The following IGFN1 variants were observed in gnomAD, a reference collection of about 807,000 sequenced individuals.
IGFN1 encodes the protein immunoglobulin-like and fibronectin type III domain-containing protein 1.
A neutral mutation model predicts 289.5 loss-of-function variants in IGFN1; 253 were observed. That is an observed-to-expected ratio of 0.87 (90% CI 0.79 to 0.97). IGFN1 has a LOEUF of 0.97. Among genes scored for constraint, IGFN1 ranks in the 50% least tolerant of loss-of-function variants. IGFN1 has a pLI of 0.00. For missense variants in IGFN1, 4,470 were observed against 4,686.1 expected, an observed-to-expected ratio of 0.95 and a Z score of 1.35; for synonymous variants, 1,706 against 1,788.5, an observed-to-expected ratio of 0.95 and a Z score of 1.16.
At position 201,199,387 on chromosome 1, in the gene IGFN1, A is replaced by G. The variant is rs942014188; in HGVS notation, c.412+9A>G. 4 of 1,551,668 alleles carry G rather than the reference A, an allele frequency of 2.6e-6. No homozygotes were observed. Among genetic ancestry groups the G allele is most frequent in the Middle Eastern group, 1.7e-4 (1 of 6,010 alleles). On this transcript the variant is annotated intron_variant, in intron 6 of 23. Transcript: ENST00000335211. ...CAGGGAACCGCAGGAAGGTAGGCAG[A>G]TTTGTCAGAAACCTCCTTGGGGGCC...
At position 201,215,049 on chromosome 1, in the gene IGFN1, G is replaced by A. The variant is rs769375447; in HGVS notation, c.8890G>A (p.Gly2964Ser). The A allele has an allele frequency of 1.5e-5, 24 of 1,613,944 alleles. No homozygotes were observed. Among genetic ancestry groups the A allele is most frequent in the Non-Finnish European group, 2.0e-5 (24 of 1,180,020 alleles). ...TQDGVIFKQD[G>S]LVHSLFITHV... ...GGATGGAGTCATCTTTAAGCAAGAC[G>A]GTCTCGTGCACAGCCTCTTCATCAC... The change falls in exon 14 of 24, where the codon GGT (glycine) becomes AGT (serine). Residue 2964 changes from glycine to serine, a missense_variant. Gly to Ser is a moderately conservative substitution (Grantham distance 56). Coordinates refer to ENST00000335211, the MANE Select transcript of IGFN1 (RefSeq NM_001164586.2).
rs1455871801 is a variant in IGFN1 at position 201,208,623 on chromosome 1, A to T, written c.3730A>T (p.Thr1244Ser). Residue 1244 changes from threonine (T) to serine (S), a missense_variant, in exon 12 of 24, where the codon ACA becomes TCA. Thr to Ser is a moderately conservative substitution (Grantham distance 58). Coordinates refer to ENST00000335211, the MANE Select transcript of IGFN1 (RefSeq NM_001164586.2). Reference protein sequence around the residue: ...ERSRGLGPRSTGPGGEAGFRD... With the variant: ...ERSRGLGPRSSGPGGEAGFRD... ...GTCAAGGGGCCTTGGGCCTAGGAGT[A>T]CAGGGCCAGGGGGTGAGGCAGGCTT... 5.2e-6 allele frequency: 8 copies of T among 1,525,036 alleles called. No homozygotes were observed. The highest frequency in any genetic ancestry group is 7.0e-6 in the Non-Finnish European group (8 of 1,142,024). 94.5% of individuals were successfully genotyped at this position (1,525,036 alleles called of 1,614,324 possible).
At position 201,206,329 on chromosome 1, in the gene IGFN1, C is replaced by T. The variant is rs1209320634; in HGVS notation, c.1436C>T (p.Ala479Val). Residue 479 changes from alanine (A) to valine (V), a missense_variant, in exon 12 of 24, where the codon GCT (alanine) becomes GTT (valine). Coordinates refer to ENST00000335211, the MANE Select transcript of IGFN1 (RefSeq NM_001164586.2). ...GYSLMGDKGT[A>V]DSAWGPGQEG... Reference sequence around the variant, plus strand: ...TCCTTGATGGGGGACAAAGGGACAGCTGACTCAGCCTGGGGCCCTGGACAG... The same window carrying T: ...TCCTTGATGGGGGACAAAGGGACAGTTGACTCAGCCTGGGGCCCTGGACAG... The T allele has an allele frequency of 1.9e-6, 3 of 1,550,260 alleles. No individual in the cohort carries two copies. Among genetic ancestry groups the T allele is most frequent in the Admixed American group, 2.0e-5 (1 of 50,984 alleles).
At chr1:201,196,116 G>A (rs543385076) in intron 4 of IGFN1, 138 bp downstream of exon 4, 31 of 821,720 alleles carry the variant, frequency 3.8e-5, no homozygotes, top group African/African-American at 2.6e-4. Flanking sequence ...ACTCCATCTC[G>A]TGACTCAAAG....
At chr1:201,218,503 G>A in intron 17 of IGFN1, 27 bp from the exon 18 acceptor site, 1 of 1,604,358 alleles carries the variant, frequency 6.2e-7, no homozygotes, top group Non-Finnish European at 8.5e-7. Flanking sequence ...CATCAGGGTG[G>A]GACTCACATG....
chr1:201,228,373 C>T lies in IGFN1; in HGVS notation c.11114-13C>T. 1 of 1,613,978 alleles carries T rather than the reference C, an allele frequency of 6.2e-7. No individual in the cohort carries two copies. Among genetic ancestry groups the T allele is most frequent in the Non-Finnish European group, 8.5e-7 (1 of 1,179,886 alleles). On this transcript the variant is annotated splice_polypyrimidine_tract_variant and intron_variant, in intron 23 of 23. Transcript: ENST00000335211. ...GCCCCTCTGAACCAACTGGAATATCCTGTGTCTTGCAGAACCCAGCACCTA... is the reference window on the plus strand; with the variant it reads ...GCCCCTCTGAACCAACTGGAATATCTTGTGTCTTGCAGAACCCAGCACCTA...
chr1:201,218,509 AC>A lies in IGFN1; in HGVS notation c.9770-20del. 1 of 1,607,064 alleles carries A rather than the reference AC, an allele frequency of 6.2e-7. No homozygotes were observed. The highest frequency in any genetic ancestry group is 2.2e-5 in the East Asian group (1 of 44,866). Reference sequence around the variant, plus strand: ...GTCCAGCACCATCAGGGTGGGACTCACATGGGCGGGCTGTTCACAGAGAGGA... The same window carrying A: ...GTCCAGCACCATCAGGGTGGGACTCAATGGGCGGGCTGTTCACAGAGAGGA... On this transcript the variant is annotated intron_variant, in intron 17 of 23. Transcript: ENST00000335211.
chr1:201,217,224 G>T, intron 16 of IGFN1, 63 bp from the exon 17 acceptor site: 1 of 1,488,436 alleles, frequency 6.7e-7, no homozygotes, highest in South Asian at 1.2e-5. Context: ...TACCCCCAGG[G>T]GCTCCCCATG....
In IGFN1 at chr1:201,209,343, G is replaced by C; in HGVS notation, c.4450G>C (p.Gly1484Arg). 4.7e-6 allele frequency: 7 copies of C among 1,486,776 alleles called. No individual in the cohort carries two copies. Among genetic ancestry groups the C allele is most frequent in the Non-Finnish European group, 6.2e-6 (7 of 1,126,744 alleles). 92.1% of individuals were successfully genotyped at this position (1,486,776 alleles called of 1,614,324 possible). A position where few individuals can be genotyped will look rare whatever the true frequency, so the allele number is the denominator to read the frequency against. The change falls in exon 12 of 24, where the codon GGT becomes CGT. Residue 1484 changes from glycine (G) to arginine (R), a missense_variant. Coordinates refer to ENST00000335211, the MANE Select transcript of IGFN1 (RefSeq NM_001164586.2). ...SKAGYRGGLR[G>R]SGEMGLIEAG... is the part of the protein sequence containing the mutation. Reference sequence around the variant, plus strand: ...GGCAGGTTACAGGGGTGGTTTAAGGGGTTCTGGGGAAATGGGGTTAATTGA... The same window carrying C: ...GGCAGGTTACAGGGGTGGTTTAAGGCGTTCTGGGGAAATGGGGTTAATTGA...
In IGFN1 at chr1:201,228,280, C is replaced by G. The variant is rs1316301915; in HGVS notation, c.11114-106C>G. The G allele has an allele frequency of 4.3e-6, 5 of 1,156,958 alleles. No homozygotes were observed. In the African/African-American group the frequency reaches 7.5e-5, roughly 17 times the overall value. 71.7% of individuals were successfully genotyped at this position (1,156,958 alleles called of 1,614,324 possible). A position where few individuals can be genotyped will look rare whatever the true frequency, so the allele number is the denominator to read the frequency against. ...GATTTGAACCCACACCCCCTGATGG[C>G]AGAGCCTGTAGTCTAAGCCCCATTC... is the stretch of plus-strand genomic sequence containing the variant. On this transcript the variant is annotated intron_variant, in intron 23 of 23. Coordinates refer to ENST00000335211, the MANE Select transcript of IGFN1 (RefSeq NM_001164586.2).
rs1667803287 is a variant in IGFN1 at position 201,211,606 on chromosome 1, G to T, written c.6713G>T (p.Ser2238Ile). 1 of 1,535,458 alleles carries T rather than the reference G, an allele frequency of 6.5e-7. No individual in the cohort carries two copies. The highest frequency in any genetic ancestry group is 1.4e-5 in the African/African-American group (1 of 72,798). The stretch of plus-strand genomic sequence containing the variant: ...GCAGGTTTCAGGGATGGTTTAGGGA[G>T]TTCTGGGGAAATGGGGTCAATGGAT... ...SKAGFRDGLG[S>I]SGEMGSMDEA... is the part of the protein sequence containing the mutation. Residue 2238 changes from serine (S) to isoleucine (I), a missense_variant, in exon 12 of 24, where the codon AGT (serine) becomes ATT (isoleucine). Around this residue, in one of 8 missense-constraint regions of IGFN1, gnomAD observed 2,218 missense variants for 2,114.1 expected, o/e 1.05. Coordinates refer to ENST00000335211, the MANE Select transcript of IGFN1 (RefSeq NM_001164586.2).
Position 201,212,065 on chromosome 1 carries a change from G to T in IGFN1, c.7172G>T (p.Gly2391Val). Reference protein sequence around the residue: ...RGHKAMGHRSGYWVASEGDTN... With the variant: ...RGHKAMGHRSVYWVASEGDTN... ...CATAAAGCCATGGGTCACAGGTCAG[G>T]ATATTGGGTAGCATCAGAGGGTGAC... Residue 2391 changes from glycine (G) to valine (V), a missense_variant, in exon 12 of 24, where the codon GGA (glycine) becomes GTA (valine). Transcript: ENST00000335211. The T allele has an allele frequency of 6.5e-7, 1 of 1,536,424 alleles. No individual in the cohort carries two copies. Among genetic ancestry groups the T allele is most frequent in the Non-Finnish European group, 8.7e-7 (1 of 1,146,776 alleles).
intron 8 of IGFN1, among the ~76,000 whole-genome samples, chr1:201,200,893 C>T (rs545425988): frequency 5.4e-5 from 8 of 149,288 alleles, no homozygotes; most frequent in African/African-American, 1.7e-4. Context: ...GTGCTGTGGC[C>T]GGATCTTGGC....
Position 201,210,594 on chromosome 1 carries a change from G to T in IGFN1, c.5701G>T (p.Gly1901Cys). Residue 1901 changes from glycine (G) to cysteine (C), a missense_variant, in exon 12 of 24, where the codon GGT becomes TGT. This residue lies in a region of IGFN1 where 33 missense variants were observed against 259.7 expected (regional missense o/e 0.13). Transcript: ENST00000335211. ...GGATTTGTGGGCTCCTGAGGGAATA[G>T]GTTCAGGAAGTAAGGCAGGTTTTAG... Reference protein sequence around the residue: ...RKDLWAPEGIGSGSKAGFRDG... With the variant: ...RKDLWAPEGICSGSKAGFRDG... The T allele has an allele frequency of 7.1e-7, 1 of 1,405,810 alleles. No homozygotes were observed. Among genetic ancestry groups the T allele is most frequent in the South Asian group, 1.3e-5 (1 of 77,546 alleles). 87.1% of individuals were successfully genotyped at this position (1,405,810 alleles called of 1,614,324 possible). A position where few individuals can be genotyped will look rare whatever the true frequency, so the allele number is the denominator to read the frequency against.
Position 201,206,458 on chromosome 1 carries a change from C to T in IGFN1, c.1565C>T (p.Pro522Leu). 1 of 1,551,144 alleles carries T rather than the reference C, an allele frequency of 6.4e-7. No homozygotes were observed. ...GGWARSLAER[P>L]HLQGESSESG... ...TGGGCCAGAAGCCTTGCAGAGAGGC[C>T]CCATCTACAGGGAGAGAGCTCAGAA... Residue 522 changes from proline (P) to leucine (L), a missense_variant, in exon 12 of 24, where the codon CCC becomes CTC. Pro to Leu is a moderately conservative substitution (Grantham distance 98). Transcript: ENST00000335211.
rs1211893996 is a variant in IGFN1, at chr1:201,212,326, C to G, written c.7433C>G (p.Ala2478Gly). The change falls in exon 12 of 24, where the codon GCC becomes GGC. Residue 2478 changes from alanine to glycine, a missense_variant. By Grantham distance (60) the Ala-to-Gly change is moderately conservative. Transcript: ENST00000335211. ...GGYGTSGIPEASEAAGAKGKP... is the reference protein window; with the variant it reads ...GGYGTSGIPEGSEAAGAKGKP... ...TATGGAACTTCAGGGATCCCTGAGG[C>G]CTCGGAGGCTGCTGGTGCCAAGGGA... 1 of 1,536,638 alleles carries G rather than the reference C, an allele frequency of 6.5e-7. No homozygotes were observed. The highest frequency in any genetic ancestry group is 2.4e-5 in the East Asian group (1 of 40,912).
In IGFN1 at chr1:201,212,221, G is replaced by A. The variant is rs1667850892; in HGVS notation, c.7328G>A (p.Arg2443Lys). 6.5e-7 allele frequency: 1 copy of A among 1,534,142 alleles called. No homozygotes were observed. The highest frequency in any genetic ancestry group is 1.4e-5 in the African/African-American group (1 of 72,972). ...AGGMAHRDSL[R>K]GTGVLGSQGG... ...GGCATGGCACACAGAGACAGCCTCA[G>A]GGGCACAGGGGTGCTGGGGTCTCAG... The change falls in exon 12 of 24, where the codon AGG becomes AAG. Residue 2443 changes from arginine (R) to lysine (K), a missense_variant. Arg to Lys is a conservative substitution (Grantham distance 26). This residue lies in a region of IGFN1 where 2,218 missense variants were observed against 2,114.1 expected (regional missense o/e 1.05). Coordinates refer to ENST00000335211, the MANE Select transcript of IGFN1 (RefSeq NM_001164586.2).
chr1:201,214,974 G>A (rs1207751549), intron 13 of IGFN1, 39 bp from the exon 14 acceptor site: 4 of 1,602,182 alleles, frequency 2.5e-6, no homozygotes, highest in Admixed American at 3.4e-5. Flanking sequence ...ACTGGGATGG[G>A]AGTGGGGTGA....
At position 201,213,445 on chromosome 1, in the gene IGFN1, G is replaced by A; in HGVS notation, c.8552G>A (p.Gly2851Glu). The A allele has an allele frequency of 1.9e-6, 3 of 1,614,052 alleles. No individual in the cohort carries two copies. Among genetic ancestry groups the A allele is most frequent in the Non-Finnish European group, 2.5e-6 (3 of 1,179,964 alleles). The change falls in exon 12 of 24, where the codon GGG (glycine) becomes GAG (glutamate). Residue 2851 changes from glycine (G) to glutamate (E), a missense_variant. By Grantham distance (98) the Gly-to-Glu change is moderately conservative. Around this residue, in one of 8 missense-constraint regions of IGFN1, gnomAD observed 2,218 missense variants for 2,114.1 expected, o/e 1.05. Transcript: ENST00000335211. ...TGGCAGCCTATGGGAGAGAACTGGG[G>A]GTGCCTGGAGGAGATGCTGAATGAA... is the stretch of plus-strand genomic sequence containing the variant. ...MGWQPMGENW[G>E]CLEEMLNEDQ...
Sources: allele counts gnomAD v4.1 joint callset (sites outside exome capture counted in the v4.1 genomes callset), GRCh38; gene constraint gnomAD v4.1.1; regional missense constraint gnomAD v4.1.1; transcripts MANE v1.5; gene names NCBI Gene and HGNC (gene_info 2026-07-23, HGNC 2026-07-21).